The following WDR7 variants were observed in gnomAD, a reference collection of about 807,000 sequenced individuals.
The protein encoded by WDR7 is WD repeat-containing protein 7.
In WDR7, 46 loss-of-function variants were observed where a neutral mutation model predicts 169.4. That is an observed-to-expected ratio of 0.27 (90% confidence interval 0.21 to 0.35). The LOEUF (loss-of-function observed/expected upper bound fraction) is 0.35. Ranked by LOEUF, WDR7 falls within the 10% of genes least tolerant of loss-of-function variation. WDR7 has a pLI of 1.00. For missense variants in WDR7, 1,534 were observed against 1,859.3 expected (o/e 0.83, Z 3.22); for synonymous variants, 612 against 666.8 (o/e 0.92, Z 1.27).
At chr18:56,684,658 C>CG (rs1205661534) in intron 5 of WDR7, among the ~76,000 whole-genome samples, 1 of 152,070 alleles carries the variant, frequency 6.6e-6, no homozygotes, top group Non-Finnish European at 1.5e-5. Context: ...AGTGGACTGT[C>CG]GGAATAGTGG....
intron 24 of WDR7, 126 bp downstream of exon 24, chr18:56,938,808 A>AGTGTGTGT (rs71171007): frequency 0.015 from 9,819 of 660,038 alleles, 72 homozygotes; most frequent in African/African-American, 0.028. Flanking sequence ...AGAAAGAATG[A>AGTGTGTGT]GTGTGTGTGT....
chr18:56,797,706 A>G (rs1042501354), intron 19 of WDR7, among the ~76,000 whole-genome samples: 11 of 152,096 alleles, frequency 7.2e-5, no homozygotes, highest in African/African-American at 2.2e-4. Flanking sequence ...TTCCCAAAGA[A>G]ACAACCCCAT....
At position 56,731,539 on chromosome 18, in the gene WDR7, C is replaced by T; in HGVS notation, c.1931C>T (p.Ala644Val). The change falls in exon 14 of 28, where the codon GCC becomes GTC. Residue 644 changes from alanine to valine, a missense_variant. Ala to Val is a moderately conservative substitution (Grantham distance 64, BLOSUM62 0). Coordinates refer to ENST00000254442, the MANE Select transcript of WDR7 (RefSeq NM_015285.3). ...RRSLAALKNM[A>V]HHKLQTLATN... Reference sequence around the variant, plus strand: ...AGTCTTGCTGCTCTTAAAAATATGGCCCATCATAAGCTACAAACCCTTGCA... The same window carrying T: ...AGTCTTGCTGCTCTTAAAAATATGGTCCATCATAAGCTACAAACCCTTGCA... 1 of 1,614,036 alleles carries T rather than the reference C, an allele frequency of 6.2e-7. No individual in the cohort carries two copies. Among genetic ancestry groups the T allele is most frequent in the Non-Finnish European group, 8.5e-7 (1 of 1,179,994 alleles).
intron 1 of WDR7, among the ~76,000 whole-genome samples, chr18:56,656,534 C>A (rs1238505519): frequency 6.6e-6 from 1 of 151,880 alleles, no homozygotes; most frequent in Non-Finnish European, 1.5e-5. Context: ...CCCGCCTCAG[C>A]CTCCCAAAGT....
intron 20 of WDR7, among the ~76,000 whole-genome samples, chr18:56,827,004 C>A (rs2045216777): frequency 6.6e-6 from 1 of 152,156 alleles, no homozygotes; most frequent in East Asian, 1.9e-4. Flanking sequence ...TTCTCTGTAG[C>A]TGGGAGAATT....
chr18:56,938,400 A>G, intron 23 of WDR7, 133 bp from the exon 24 acceptor site: 1 of 1,168,786 alleles, frequency 8.6e-7, no homozygotes, highest in Non-Finnish European at 1.2e-6. Context: ...TTTTGTAAAC[A>G]AAAGTATTTT....
intron 16 of WDR7, among the ~76,000 whole-genome samples, chr18:56,768,391 A>T (rs76387961): frequency 0.014 from 2,094 of 152,336 alleles, 45 homozygotes; most frequent in African/African-American, 0.048. Context: ...ACTTTAGAAT[A>T]CCATTATGAA....
At chr18:56,785,017 A>G (rs762453518) in intron 19 of WDR7, among the ~76,000 whole-genome samples, 5 of 151,984 alleles carry the variant, frequency 3.3e-5, no homozygotes, top group South Asian at 2.1e-4. Flanking sequence ...GAACTTCTAC[A>G]TTGACTGAGT....
chr18:56,770,078 C>G (rs2044129490), intron 16 of WDR7, among the ~76,000 whole-genome samples: 1 of 152,122 alleles, frequency 6.6e-6, no homozygotes, highest in Non-Finnish European at 1.5e-5. Flanking sequence ...ATGAATGAAT[C>G]TACAGATAAC....
chr18:56,777,876 C>T (rs146352925), intron 17 of WDR7, among the ~76,000 whole-genome samples: 499 of 152,174 alleles, frequency 3.3e-3, no homozygotes, highest in Middle Eastern at 6.8e-3. Flanking sequence ...TATGTTAAGA[C>T]CGAATTTTAG....
intron 21 of WDR7, among the ~76,000 whole-genome samples, chr18:56,912,999 C>T (rs1430965601): frequency 6.6e-6 from 1 of 151,940 alleles, no homozygotes; most frequent in Non-Finnish European, 1.5e-5. Flanking sequence ...ATCAGCCTCC[C>T]AGCTAGCTGG....
intron 20 of WDR7, among the ~76,000 whole-genome samples, chr18:56,848,903 T>G (rs1464523177): frequency 1.3e-5 from 2 of 152,186 alleles, no homozygotes; most frequent in Non-Finnish European, 2.9e-5. Flanking sequence ...CTTTTCTTCA[T>G]AAATTACCCA....
At chr18:56,805,808 A>G (rs896171111) in intron 19 of WDR7, among the ~76,000 whole-genome samples, 4 of 152,134 alleles carry the variant, frequency 2.6e-5, no homozygotes, top group Non-Finnish European at 5.9e-5. Flanking sequence ...TAAAGAATGA[A>G]AATTTCTTTC....
intron 21 of WDR7, among the ~76,000 whole-genome samples, chr18:56,885,631 C>T (rs2145501488): frequency 6.7e-6 from 1 of 149,020 alleles, no homozygotes; most frequent in South Asian, 2.2e-4. Flanking sequence ...ACCATCCTAG[C>T]TAACACGGTG....
chr18:56,992,652 G>A (rs945421462), intron 26 of WDR7, among the ~76,000 whole-genome samples: 1 of 152,190 alleles, frequency 6.6e-6, no homozygotes, highest in Non-Finnish European at 1.5e-5. Context: ...GTAAAAGATA[G>A]TAATTATTTT....
At chr18:56,659,378 T>C (rs1313746353) in intron 1 of WDR7, among the ~76,000 whole-genome samples, 1 of 152,232 alleles carries the variant, frequency 6.6e-6, no homozygotes. Flanking sequence ...CTAGTTTGTT[T>C]ATTTATTCAA....
intron 20 of WDR7, among the ~76,000 whole-genome samples, chr18:56,836,476 C>T (rs761384657): frequency 1.7e-4 from 26 of 152,166 alleles, no homozygotes; most frequent in Non-Finnish European, 2.9e-4. Context: ...AGATCAAAGA[C>T]GTTTTTAATT....
chr18:56,944,087 CAAGCA>C (rs2047069815), intron 25 of WDR7, among the ~76,000 whole-genome samples: 1 of 144,276 alleles, frequency 6.9e-6, no homozygotes, highest in African/African-American at 2.6e-5. Context: ...CTCCCAGGTT[CAAGCA>C]GTTCTCCTGC....
intron 27 of WDR7, 118 bp downstream of exon 27, chr18:57,020,967 G>A (rs2048281284): frequency 1.1e-5 from 9 of 822,412 alleles, no homozygotes; most frequent in South Asian, 1.6e-5. Context: ...CCTCCTTGCA[G>A]CAAACATCCA....
Sources: gnomAD v4.1 joint callset for allele counts (sites outside exome capture counted in the v4.1 genomes callset) on GRCh38, gnomAD v4.1.1 for gene constraint, MANE v1.5 for transcripts, NCBI Gene and HGNC (gene_info 2026-07-23, HGNC 2026-07-21) for gene names.